The following ZNF675 variants were observed in gnomAD, a reference collection of about 807,000 sequenced individuals.
ZNF675 encodes TRAF6 inhibitory zinc finger.
In ZNF675, 36 loss-of-function variants were observed where a neutral mutation model predicts 56.1. That is an observed-to-expected ratio of 0.64 (90% CI 0.49 to 0.85). ZNF675 has a LOEUF of 0.85. Ranked by LOEUF, ZNF675 falls within the 40% of genes least tolerant of loss-of-function variation. The pLI is 0.00. For synonymous variants in ZNF675, 200 were observed against 218.9 expected, an observed-to-expected ratio of 0.91 and a Z score of 0.76; for missense variants, 663 against 654.2, an observed-to-expected ratio of 1.01 and a Z score of -0.15.
chr19:23,677,711 A>C (rs888659850), intron 1 of ZNF675, among the ~76,000 whole-genome samples: 2 of 149,578 alleles, frequency 1.3e-5, no homozygotes, highest in Non-Finnish European at 3.0e-5. Flanking sequence ...CGTCTCAAAA[A>C]AAAAAAAAAA....
At chr19:23,654,839 C>G (rs967843874) in intron 3 of ZNF675, 133 bp from the exon 4 acceptor site, 9 of 571,356 alleles carry the variant, frequency 1.6e-5, no homozygotes, top group African/African-American at 9.8e-5. Flanking sequence ...TGTGTTGCCC[C>G]AGGTGAGCAC....
chr19:23,654,033 A>G lies in ZNF675; in HGVS notation c.900T>C (p.Thr300=), dbSNP rs1027146373. The change falls in exon 4 of 4, where the codon ACT becomes ACC. Residue 300 remains threonine, a synonymous_variant. Transcript: ENST00000359788. The stretch of plus-strand genomic sequence containing the variant: ...CTCCAGTATGAATTTTTTTATGTGT[A>G]GTAAGATTTGAGAACTGGTTAAAGG... ...GKAFNQFSNL[T]THKKIHTGEQ... 3.1e-6 allele frequency: 5 copies of G among 1,613,660 alleles called. No individual in the cohort carries two copies. The African/African-American group carries it at 5.3e-5, about 17-fold the overall frequency.
At chr19:23,685,260 G>T (rs930138288) in intron 1 of ZNF675, among the ~76,000 whole-genome samples, 5 of 152,114 alleles carry the variant, frequency 3.3e-5, no homozygotes, top group African/African-American at 9.7e-5. Flanking sequence ...CACCGTGCAC[G>T]CAAGGGTTAG....
At chr19:23,681,912 A>G (rs984925874) in intron 1 of ZNF675, among the ~76,000 whole-genome samples, 5 of 151,848 alleles carry the variant, frequency 3.3e-5, no homozygotes, top group African/African-American at 1.2e-4. Context: ...AAAATGAAGC[A>G]CATAGATAAT....
intron 1 of ZNF675, among the ~76,000 whole-genome samples, chr19:23,672,427 T>C (rs907793513): frequency 3.3e-5 from 5 of 152,192 alleles, no homozygotes; most frequent in Admixed American, 1.3e-4. Flanking sequence ...AGAAAGTCAC[T>C]GCACAAGATC....
In ZNF675 at chr19:23,653,318, C is replaced by A. The variant is rs763208432; in HGVS notation, c.1615G>T (p.Glu539Ter). Residue 539 changes from glutamate (E) to a stop codon, truncating the protein, a stop_gained, in exon 4 of 4, where the codon GAG becomes TAG. Transcript: ENST00000359788. LOFTEE classifies it high-confidence loss of function. ...IHTGEKPYKC[E>*]RCDKAFNQSA... ...TGGTTAAAAGCTTTGTCACATCTCT[C>A]ACATTTATAGGGTTTCTCTCCAGTA... 2.0e-5 allele frequency: 33 copies of A among 1,613,594 alleles called. No individual in the cohort carries two copies. Among genetic ancestry groups the A allele is most frequent in the Non-Finnish European group, 2.8e-5 (33 of 1,179,940 alleles).
chr19:23,681,428 C>G (rs12971407), intron 1 of ZNF675, among the ~76,000 whole-genome samples: 147,020 of 151,448 alleles, frequency 0.97, 71,654 homozygotes, highest in Middle Eastern at 1. Context: ...TTCAGTCCTC[C>G]CTCACCCTTG....
intron 1 of ZNF675, among the ~76,000 whole-genome samples, chr19:23,677,186 G>T (rs4633857): frequency 0.97 from 146,743 of 151,172 alleles, 71,519 homozygotes; most frequent in Middle Eastern, 1. Context: ...TCCTGGCTGA[G>T]CAATCAGGCA....
intron 2 of ZNF675, 37 bp from the exon 3 acceptor site, chr19:23,662,246 C>T: frequency 3.4e-6 from 5 of 1,461,512 alleles, no homozygotes; most frequent in East Asian, 2.3e-5. Flanking sequence ...TAATTTTGCT[C>T]ATATTCTCCA....
chr19:23,664,160 G>A (rs1021598007), intron 1 of ZNF675, among the ~76,000 whole-genome samples: 6 of 152,144 alleles, frequency 3.9e-5, no homozygotes, highest in Non-Finnish European at 5.9e-5. Context: ...CATTCCAGGA[G>A]GCAGAGCGGA....
At chr19:23,676,620 AT>A (rs1370445509) in intron 1 of ZNF675, among the ~76,000 whole-genome samples, 1 of 151,868 alleles carries the variant, frequency 6.6e-6, no homozygotes, top group Non-Finnish European at 1.5e-5. Context: ...AATTAACTCA[AT>A]AGATGCAGAA....
intron 1 of ZNF675, among the ~76,000 whole-genome samples, chr19:23,674,142 G>T (rs1202104767): frequency 1.3e-5 from 2 of 151,648 alleles, no homozygotes; most frequent in Non-Finnish European, 2.9e-5. Context: ...GGCAGAGGTT[G>T]CAGTGAGCCG....
At chr19:23,670,444 C>G (rs550722450) in intron 1 of ZNF675, among the ~76,000 whole-genome samples, 2 of 151,146 alleles carry the variant, frequency 1.3e-5, no homozygotes, top group South Asian at 4.2e-4. Flanking sequence ...GAACCTACCC[C>G]CCAAAGGAAA....
intron 1 of ZNF675, among the ~76,000 whole-genome samples, chr19:23,674,660 T>C (rs1968273235): frequency 6.7e-6 from 1 of 150,172 alleles, no homozygotes; most frequent in Admixed American, 6.6e-5. Context: ...TTCTTTATTA[T>C]TTTCAGGTAT....
rs1212153012 is a variant in ZNF675, at chr19:23,653,178, T to C, written c.*48A>G. Reference sequence around the variant, plus strand: ...ACATTTCTAGAATTTTTCACCAGTATGATTTCCTTTATATTTAGAAAAATT... The same window carrying C: ...ACATTTCTAGAATTTTTCACCAGTACGATTTCCTTTATATTTAGAAAAATT... On this transcript the variant is annotated 3_prime_UTR_variant, in exon 4 of 4. Transcript: ENST00000359788. 1 of 1,492,402 alleles carries C rather than the reference T, an allele frequency of 6.7e-7. No homozygotes were observed. The highest frequency in any genetic ancestry group is 9.0e-7 in the Non-Finnish European group (1 of 1,113,038). The allele number at this position is 1,492,402 out of a possible 1,614,324, so 92.4% of individuals were successfully genotyped here. A position where few individuals can be genotyped will look rare whatever the true frequency, so the allele number is the denominator to read the frequency against.
chr19:23,653,629 C>T lies in ZNF675; in HGVS notation c.1304G>A (p.Arg435Gln), dbSNP rs552345271. ...CTTATGTTCAGTAAGTTTTGAGGAT[C>T]GGTTAAAAGCTTTGCCACATTCTTC... The part of the protein sequence containing the change: ...KCEECGKAFN[R>Q]SSKLTEHKKL... The change falls in exon 4 of 4, where the codon CGA becomes CAA. Residue 435 changes from arginine (R) to glutamine (Q), a missense_variant. Arg to Gln is a conservative substitution (Grantham distance 43). Transcript: ENST00000359788. 3.7e-6 allele frequency: 6 copies of T among 1,609,682 alleles called. No homozygotes were observed. Among genetic ancestry groups the T allele is most frequent in the African/African-American group, 2.7e-5 (2 of 73,872 alleles).
intron 1 of ZNF675, among the ~76,000 whole-genome samples, chr19:23,679,534 A>C (rs1968347771): frequency 6.6e-6 from 1 of 151,788 alleles, no homozygotes; most frequent in Admixed American, 6.5e-5. Flanking sequence ...AATGGGATCT[A>C]ACTGAAGAGT....
chr19:23,663,676 C>G (rs1377646868), intron 1 of ZNF675, among the ~76,000 whole-genome samples: 1 of 152,162 alleles, frequency 6.6e-6, no homozygotes, highest in African/African-American at 2.4e-5. Context: ...GAGATCGTAC[C>G]ATTGCACTCC....
rs1967951299 is a variant in ZNF675, at chr19:23,654,222, A to T, written c.711T>A (p.Phe237Leu). The part of the protein sequence containing the change: ...LYKCQECDRT[F>L]NQFSNLTEYK... ...ATTCAGTAAGGTTTGAGAATTGGTTAAAAGTTCTGTCACATTCTTGACATT... is the reference window on the plus strand; with the variant it reads ...ATTCAGTAAGGTTTGAGAATTGGTTTAAAGTTCTGTCACATTCTTGACATT... The change falls in exon 4 of 4, where the codon TTT (phenylalanine) becomes TTA (leucine). Residue 237 changes from phenylalanine (F) to leucine (L), a missense_variant. This residue lies in a region of ZNF675 where 617 missense variants were observed against 590.5 expected (regional missense o/e 1.04). Transcript: ENST00000359788. The T allele has an allele frequency of 6.2e-7, 1 of 1,613,898 alleles. No individual in the cohort carries two copies. Among genetic ancestry groups the T allele is most frequent in the South Asian group, 1.1e-5 (1 of 91,080 alleles).
Sources: gnomAD v4.1 joint callset for allele counts (sites outside exome capture counted in the v4.1 genomes callset) on GRCh38, gnomAD v4.1.1 for gene constraint, gnomAD v4.1.1 regional missense constraint, MANE v1.5 for transcripts, NCBI Gene and HGNC (gene_info 2026-07-23, HGNC 2026-07-21) for gene names.